Variants in ADGRB3 observed in about 807,000 individuals in gnomAD.
ADGRB3 encodes brain-specific angiogenesis inhibitor 3.
In ADGRB3, 37 loss-of-function variants were observed where a neutral mutation model predicts 193.4. That is an observed-to-expected ratio of 0.19 (90% CI 0.15 to 0.25). ADGRB3 has a LOEUF of 0.25. Among genes scored for constraint, ADGRB3 ranks in the 10% least tolerant of loss-of-function variants. The pLI is 1.00. For missense variants in ADGRB3, 1,637 were observed against 1,852.9 expected, an observed-to-expected ratio of 0.88 and a Z score of 2.14; for synonymous variants, 690 against 644.2, an observed-to-expected ratio of 1.07 and a Z score of -1.08.
chr6:68,963,838 A>G (rs371901908), intron 8 of ADGRB3, among the ~76,000 whole-genome samples: 7 of 152,044 alleles, frequency 4.6e-5, no homozygotes, highest in Non-Finnish European at 1.0e-4. Context: ...TCCTTATTAT[A>G]TAGTATTATT....
intron 11 of ADGRB3, among the ~76,000 whole-genome samples, chr6:69,001,677 T>C (rs1038845518): frequency 2.0e-5 from 3 of 151,982 alleles, no homozygotes; most frequent in African/African-American, 7.3e-5. Flanking sequence ...AGAAAGAAAA[T>C]ATTGGAAAAA....
chr6:69,153,606 C>A (rs1302303851), intron 17 of ADGRB3, among the ~76,000 whole-genome samples: 1 of 152,056 alleles, frequency 6.6e-6, no homozygotes, highest in Non-Finnish European at 1.5e-5. Context: ...TGGCCATAAA[C>A]AAATGTGGGA....
At position 68,908,750 on chromosome 6, in the gene ADGRB3, A is replaced by G. The variant is rs574775870; in HGVS notation, c.758-21809A>G. ...TTGCTATATAATTTCTATTATTTCTATATATTTTTATCTTGAAGTTATAAA... is the reference window on the plus strand; with the variant it reads ...TTGCTATATAATTTCTATTATTTCTGTATATTTTTATCTTGAAGTTATAAA... On this transcript the variant is annotated intron_variant, in intron 3 of 31. Coordinates refer to ENST00000370598, the MANE Select transcript of ADGRB3 (RefSeq NM_001704.3). 2.6e-5 allele frequency among the ~76,000 whole-genome samples: 4 copies of G among 152,226 alleles called. No individual in the cohort carries two copies. In the East Asian group the frequency reaches 7.7e-4, roughly 29 times the overall value.
At chr6:69,354,412 A>G (rs1222640608) in intron 27 of ADGRB3, 84 bp downstream of exon 27, 2 of 1,187,376 alleles carry the variant, frequency 1.7e-6, no homozygotes, top group Non-Finnish European at 1.2e-6. Context: ...AAAATAGTGT[A>G]AAATTTTCAT....
chr6:68,752,618 G>T (rs930858468), intron 3 of ADGRB3, among the ~76,000 whole-genome samples: 3 of 152,136 alleles, frequency 2.0e-5, no homozygotes, highest in Non-Finnish European at 2.9e-5. Context: ...ACATTAGCAA[G>T]ACTAAGAAGT....
At chr6:69,321,104 T>C (rs1264888181) in intron 20 of ADGRB3, among the ~76,000 whole-genome samples, 1 of 151,784 alleles carries the variant, frequency 6.6e-6, no homozygotes, top group East Asian at 1.9e-4. Context: ...TTATATACTT[T>C]TGTTTTCAAG....
intron 17 of ADGRB3, among the ~76,000 whole-genome samples, chr6:69,168,636 A>ATAATTTAAAATTAATTTAAAT (rs1040376102): frequency 6.6e-6 from 1 of 152,130 alleles, no homozygotes; most frequent in African/African-American, 2.4e-5. Flanking sequence ...GGTATGAGCC[A>ATAATTTAAAATTAATTTAAAT]TAATTTAAAA....
chr6:69,177,349 G>T (rs932383684), intron 17 of ADGRB3, among the ~76,000 whole-genome samples: 4 of 149,584 alleles, frequency 2.7e-5, no homozygotes, highest in Non-Finnish European at 4.5e-5. Flanking sequence ...TTATTTCAAA[G>T]ATTTTTTTTT....
chr6:68,866,171 A>G (rs1051334570), intron 3 of ADGRB3, among the ~76,000 whole-genome samples: 3 of 152,064 alleles, frequency 2.0e-5, no homozygotes, highest in South Asian at 4.2e-4. Context: ...CCCAAATCTC[A>G]TGTCAAACTG....
chr6:69,183,661 T>A (rs1397471442), intron 17 of ADGRB3, among the ~76,000 whole-genome samples: 1 of 152,100 alleles, frequency 6.6e-6, no homozygotes, highest in Non-Finnish European at 1.5e-5. Context: ...ACTTAAATGA[T>A]ATATGTAAAA....
intron 20 of ADGRB3, among the ~76,000 whole-genome samples, chr6:69,280,046 G>A (rs1364498769): frequency 6.6e-6 from 1 of 152,176 alleles, no homozygotes; most frequent in Non-Finnish European, 1.5e-5. Flanking sequence ...GTCATCGGCA[G>A]GAGCTACATT....
intron 17 of ADGRB3, among the ~76,000 whole-genome samples, chr6:69,221,489 G>A (rs1048979807): frequency 6.6e-6 from 1 of 152,026 alleles, no homozygotes; most frequent in Admixed American, 6.6e-5. Flanking sequence ...GGTGATACAG[G>A]GTGTTCTGGA....
chr6:69,371,232 G>A (rs527252022), intron 29 of ADGRB3, among the ~76,000 whole-genome samples: 7 of 152,170 alleles, frequency 4.6e-5, no homozygotes, highest in Admixed American at 1.3e-4. Context: ...GTGGTTTGGG[G>A]ATTAGGTATA....
intron 3 of ADGRB3, among the ~76,000 whole-genome samples, chr6:68,914,442 T>G (rs535545910): frequency 1.3e-5 from 2 of 152,098 alleles, no homozygotes; most frequent in East Asian, 3.9e-4. Flanking sequence ...CCAGCCAAAC[T>G]AAGCTTCGTA....
chr6:69,019,218 T>C (rs1042882360), intron 13 of ADGRB3, among the ~76,000 whole-genome samples: 4 of 152,038 alleles, frequency 2.6e-5, no homozygotes, highest in Non-Finnish European at 4.4e-5. Context: ...CTTTAAAGCT[T>C]CTTCTGATAA....
intron 20 of ADGRB3, among the ~76,000 whole-genome samples, chr6:69,240,962 T>A (rs1766371323): frequency 6.6e-6 from 1 of 152,014 alleles, no homozygotes; most frequent in African/African-American, 2.4e-5. Context: ...GAGTTTAAGT[T>A]TTTTTCACAA....
intron 20 of ADGRB3, among the ~76,000 whole-genome samples, chr6:69,287,179 C>T (rs888944140): frequency 1.3e-5 from 2 of 152,128 alleles, no homozygotes; most frequent in African/African-American, 2.4e-5. Context: ...TTTTTATGTG[C>T]ATGTTTTACC....
At chr6:69,109,573 C>A (rs1218430384) in intron 17 of ADGRB3, among the ~76,000 whole-genome samples, 2 of 152,130 alleles carry the variant, frequency 1.3e-5, no homozygotes, top group Non-Finnish European at 2.9e-5. Flanking sequence ...CCCTATTTTA[C>A]AAATGAGAAA....
intron 6 of ADGRB3, among the ~76,000 whole-genome samples, chr6:68,954,295 T>C (rs528297217): frequency 4.6e-5 from 7 of 152,326 alleles, no homozygotes; most frequent in Non-Finnish European, 7.4e-5. Context: ...TTTATATTCT[T>C]TTATTTCTGT....
Sources: gnomAD v4.1 joint callset for allele counts (sites outside exome capture counted in the v4.1 genomes callset) on GRCh38, gnomAD v4.1.1 for gene constraint, MANE v1.5 for transcripts, NCBI Gene and HGNC (gene_info 2026-07-23, HGNC 2026-07-21) for gene names.